ADCY9: variants seen among roughly 807,000 people sequenced by gnomAD.
ADCY9 encodes adenylate cyclase 9.
In ADCY9, 50 loss-of-function variants were observed where a neutral mutation model predicts 101.5. The ratio of observed to expected loss-of-function variants is 0.49; its 90% CI spans 0.39 to 0.62. The LOEUF is 0.62. Among genes scored for constraint, ADCY9 ranks in the 20% least tolerant of loss-of-function variants. The pLI, the probability that ADCY9 is intolerant of heterozygous loss-of-function variation, is 0.00. For synonymous variants in ADCY9, 905 were observed against 769.3 expected (o/e 1.18, Z -2.92); for missense variants, 1,662 against 1,800.4 (o/e 0.92, Z 1.39).
rs573023970 is a variant in ADCY9, at chr16:4,022,301, G to C, written c.1694-14743C>G. 3.9e-5 allele frequency among the ~76,000 whole-genome samples: 6 copies of C among 152,188 alleles called. No individual in the cohort carries two copies. In the South Asian group the frequency reaches 1.2e-3, roughly 32 times the overall value. ...GAGGTCATGAGTTTGAGACCAGCCT[G>C]GCCAACATGGTGAAACCCCATCTCT... is the stretch of plus-strand genomic sequence containing the variant. On this transcript the variant is annotated intron_variant, in intron 2 of 10. Coordinates refer to ENST00000294016, the MANE Select transcript of ADCY9 (RefSeq NM_001116.4).
chr16:4,015,230 C>T (rs764178053), intron 2 of ADCY9, among the ~76,000 whole-genome samples: 3 of 152,018 alleles, frequency 2.0e-5, no homozygotes, highest in Non-Finnish European at 2.9e-5. Context: ...CGTGAGCGAC[C>T]GTGCCTGGCT....
chr16:4,049,335 G>A (rs2056686177), intron 2 of ADCY9, among the ~76,000 whole-genome samples: 1 of 152,122 alleles, frequency 6.6e-6, no homozygotes, highest in African/African-American at 2.4e-5. Context: ...AGTCGGAAGG[G>A]GCAGCACCCA....
chr16:3,976,448 C>T (rs537188368), intron 9 of ADCY9, among the ~76,000 whole-genome samples: 151 of 152,264 alleles, frequency 9.9e-4, no homozygotes, highest in African/African-American at 3.4e-3. Flanking sequence ...ATGATGAGAA[C>T]TGGGCTTGTC....
At chr16:4,043,687 C>G (rs993977847) in intron 2 of ADCY9, among the ~76,000 whole-genome samples, 1 of 152,056 alleles carries the variant, frequency 6.6e-6, no homozygotes, top group Non-Finnish European at 1.5e-5. Flanking sequence ...AAGACTACAT[C>G]TCAAAAATAA....
chr16:4,090,474 C>T (rs12149923), intron 2 of ADCY9, among the ~76,000 whole-genome samples: 258 of 152,130 alleles, frequency 1.7e-3, no homozygotes, highest in Non-Finnish European at 2.3e-3. Flanking sequence ...CTGTGGCCAA[C>T]GCTGCTTTTA....
chr16:4,112,474 T>C (rs939555074), intron 2 of ADCY9, among the ~76,000 whole-genome samples: 3 of 152,206 alleles, frequency 2.0e-5, no homozygotes, highest in Non-Finnish European at 4.4e-5. Flanking sequence ...AGAAAGAGAA[T>C]GCCAACTGGA....
chr16:4,107,710 A>G (rs1329075664), intron 2 of ADCY9, among the ~76,000 whole-genome samples: 1 of 152,120 alleles, frequency 6.6e-6, no homozygotes, highest in Non-Finnish European at 1.5e-5. Context: ...GGAACACCTG[A>G]GCATGCAACT....
chr16:4,074,732 T>C (rs866138129), intron 2 of ADCY9, among the ~76,000 whole-genome samples: 2 of 85,570 alleles, frequency 2.3e-5, no homozygotes, highest in African/African-American at 8.7e-5. Context: ...AAAAAAAAAA[T>C]AGAAAACACA....
chr16:3,969,574 ATATATATAT>A (rs1220503861), intron 10 of ADCY9, among the ~76,000 whole-genome samples: 1 of 23,056 alleles, frequency 4.3e-5, no homozygotes, highest in African/African-American at 5.5e-4. Context: ...TTTGAAATAT[ATATATATAT>A]ATATATATAT....
downstream of ADCY9, among the ~76,000 whole-genome samples, chr16:3,961,710 G>A (rs572958036): frequency 6.6e-6 from 1 of 152,108 alleles, no homozygotes; most frequent in African/African-American, 2.4e-5. Context: ...GAATCTTTGT[G>A]CCCTGAAGTT....
chr16:4,034,249 G>A (rs536923364), intron 2 of ADCY9, among the ~76,000 whole-genome samples: 7 of 152,224 alleles, frequency 4.6e-5, no homozygotes, highest in South Asian at 2.1e-4. Context: ...CTCACTACAC[G>A]TACCCCTTGT....
intron 2 of ADCY9, among the ~76,000 whole-genome samples, chr16:4,045,705 T>G (rs180703014): frequency 6.6e-6 from 1 of 150,634 alleles, no homozygotes; most frequent in East Asian, 2.0e-4. Context: ...TGAAAACCCT[T>G]GTGAATTTTT....
At chr16:4,113,720 G>T (rs1257772579) in intron 2 of ADCY9, 30 bp downstream of exon 2, 7 of 1,589,960 alleles carry the variant, frequency 4.4e-6, no homozygotes, top group Non-Finnish European at 6.0e-6. Context: ...ATCAGGGAGG[G>T]GGGATGCCGA....
At chr16:4,003,263 G>A (rs777413483) in intron 3 of ADCY9, among the ~76,000 whole-genome samples, 6 of 152,130 alleles carry the variant, frequency 3.9e-5, no homozygotes, top group Admixed American at 6.6e-5. Flanking sequence ...CCCTCGAATC[G>A]GAACCGTGGA....
chr16:4,110,535 G>A (rs1034999246), intron 2 of ADCY9, among the ~76,000 whole-genome samples: 6 of 151,804 alleles, frequency 4.0e-5, no homozygotes, highest in South Asian at 2.1e-4. Context: ...GATTACAGGC[G>A]CACACCACCA....
intron 2 of ADCY9, among the ~76,000 whole-genome samples, chr16:4,098,059 T>C (rs2057019541): frequency 6.6e-6 from 1 of 151,956 alleles, no homozygotes; most frequent in Admixed American, 6.6e-5. Flanking sequence ...GGCTGGCCCA[T>C]AGCTCCAGGA....
At chr16:3,970,951 A>G (rs1287229519) in intron 10 of ADCY9, among the ~76,000 whole-genome samples, 2 of 152,142 alleles carry the variant, frequency 1.3e-5, no homozygotes, top group East Asian at 3.9e-4. Context: ...CATCCTTGGA[A>G]AGACCTGCCT....
At chr16:4,072,225 T>C (rs1364223515) in intron 2 of ADCY9, among the ~76,000 whole-genome samples, 1 of 152,158 alleles carries the variant, frequency 6.6e-6, no homozygotes, top group African/African-American at 2.4e-5. Flanking sequence ...GAAGAGGGCA[T>C]GTGAGATTAC....
intron 2 of ADCY9, among the ~76,000 whole-genome samples, chr16:4,036,462 G>GTTTTTT (rs59816813): frequency 6.4e-4 from 66 of 103,670 alleles, no homozygotes; most frequent in South Asian, 9.2e-4. Flanking sequence ...GGGTTTGTTT[G>GTTTTTT]TTTTTTTTTT....
Sources: allele counts gnomAD v4.1 joint callset (sites outside exome capture counted in the v4.1 genomes callset), GRCh38; gene constraint gnomAD v4.1.1; transcripts MANE v1.5; gene names NCBI Gene and HGNC (gene_info 2026-07-23, HGNC 2026-07-21).